Variants in TMEM132C observed in about 807,000 individuals in gnomAD.
TMEM132C encodes transmembrane protein 132C.
TMEM132C carries 29 observed loss-of-function variants against 61.4 expected under a neutral mutation model. The ratio of observed to expected loss-of-function variants is 0.47; its 90% confidence interval spans 0.35 to 0.64. The LOEUF is 0.64. Among genes scored for constraint, TMEM132C ranks in the 30% least tolerant of loss-of-function variants. TMEM132C has a pLI of 0.00. For missense variants in TMEM132C, 1,408 were observed against 1,476.9 expected (o/e 0.95, Z 0.76); for synonymous variants, 656 against 633.1 (o/e 1.04, Z -0.54).
rs764381800 is a variant in TMEM132C at position 128,415,440 on chromosome 12, A to G, written c.794A>G (p.His265Arg). The G allele has an allele frequency of 6.4e-7, 1 of 1,551,664 alleles. No individual in the cohort carries two copies. Among genetic ancestry groups the G allele is most frequent in the South Asian group, 1.2e-5 (1 of 84,046 alleles). ...GKDGLEETTS[H>R]LQRIGTVGLY... ...GATGGGCTGGAGGAAACCACGTCCC[A>G]CCTGCAGAGGATCGGCACCGTCGGC... Residue 265 changes from histidine to arginine, a missense_variant, in exon 2 of 9, where the codon CAC becomes CGC. His to Arg is a conservative substitution (Grantham distance 29, BLOSUM62 0). Transcript: ENST00000435159. The surrounding 1 kb of genome is among the most constrained non-coding windows in gnomAD (Gnocchi z 5.8).
chr12:128,541,764 T>G (rs1007195868), intron 2 of TMEM132C, among the ~76,000 whole-genome samples: 1 of 152,240 alleles, frequency 6.6e-6, no homozygotes, highest in African/African-American at 2.4e-5. Flanking sequence ...GGCATCTGGC[T>G]GGCTGTTTGG....
intron 3 of TMEM132C, among the ~76,000 whole-genome samples, chr12:128,555,575 T>A (rs184989046): frequency 2.7e-3 from 410 of 152,348 alleles, no homozygotes; most frequent in Non-Finnish European, 4.1e-3. Flanking sequence ...ACACAAGTTG[T>A]GTGGGTCTCC....
intron 1 of TMEM132C, among the ~76,000 whole-genome samples, chr12:128,301,987 C>T (rs1055098443): frequency 3.9e-5 from 6 of 152,132 alleles, no homozygotes; most frequent in East Asian, 1.9e-4. Flanking sequence ...CTTACTACCA[C>T]GAGAACTGTA....
chr12:128,623,932 G>A (rs894042680), intron 4 of TMEM132C, among the ~76,000 whole-genome samples: 3 of 152,156 alleles, frequency 2.0e-5, no homozygotes, highest in African/African-American at 7.2e-5. Flanking sequence ...AGAAAAATCA[G>A]CGGGAATGAC....
intron 8 of TMEM132C, 77 bp from the exon 9 acceptor site, chr12:128,705,013 G>T: frequency 7.0e-7 from 1 of 1,430,508 alleles, no homozygotes; most frequent in Non-Finnish European, 9.2e-7. Context: ...CTGTTTCATT[G>T]GGCGTCCTCC....
intron 1 of TMEM132C, among the ~76,000 whole-genome samples, chr12:128,318,568 T>G (rs1272230148): frequency 6.6e-6 from 1 of 152,218 alleles, no homozygotes; most frequent in Non-Finnish European, 1.5e-5. Flanking sequence ...CAGCTTTGTA[T>G]TGAATTAGGA....
At chr12:128,407,770 A>G (rs1460837927) in intron 1 of TMEM132C, among the ~76,000 whole-genome samples, 2 of 152,206 alleles carry the variant, frequency 1.3e-5, no homozygotes, top group African/African-American at 4.8e-5. Flanking sequence ...AGCAAATCAC[A>G]AGGCAGCCCA....
intron 4 of TMEM132C, among the ~76,000 whole-genome samples, chr12:128,658,733 C>G (rs1954356005): frequency 6.6e-6 from 1 of 152,210 alleles, no homozygotes; most frequent in South Asian, 2.1e-4. Context: ...AAGTTCTCCC[C>G]AATTCAAATC....
In TMEM132C at chr12:128,578,457, T is replaced by C. The variant is rs1397533077; in HGVS notation, c.1121+34354T>C. 1.3e-5 allele frequency among the ~76,000 whole-genome samples: 2 copies of C among 152,202 alleles called. 1 individual carries two copies. The highest frequency in any genetic ancestry group is 2.9e-5 in the Non-Finnish European group (2 of 68,040). On this transcript the variant is annotated intron_variant, in intron 3 of 8. Coordinates refer to ENST00000435159, the MANE Select transcript of TMEM132C (RefSeq NM_001136103.3). The stretch of plus-strand genomic sequence containing the variant: ...CACCAATAACACCCTTTTACTTGAG[T>C]ATCCATCTGAATTCGTTTGTACCTT...
chr12:128,519,013 G>T (rs910896123), intron 2 of TMEM132C, among the ~76,000 whole-genome samples: 3 of 152,100 alleles, frequency 2.0e-5, no homozygotes, highest in Admixed American at 6.5e-5. Flanking sequence ...GGAGAGAGTG[G>T]ACTCTAAGGA....
intron 3 of TMEM132C, among the ~76,000 whole-genome samples, chr12:128,569,013 T>G (rs1748683599): frequency 6.6e-6 from 1 of 152,160 alleles, no homozygotes. Context: ...TGGCTTTTAA[T>G]CTAGAGAGGA....
At chr12:128,575,316 T>A (rs1174811264) in intron 3 of TMEM132C, among the ~76,000 whole-genome samples, 1 of 152,114 alleles carries the variant, frequency 6.6e-6, no homozygotes, top group Admixed American at 6.5e-5. Context: ...CCATCTCTAC[T>A]GAAAATACAA....
At chr12:128,646,696 A>C (rs930283694) in intron 4 of TMEM132C, among the ~76,000 whole-genome samples, 1 of 150,364 alleles carries the variant, frequency 6.7e-6, no homozygotes, top group Non-Finnish European at 1.5e-5. Context: ...TCGGCGTTGG[A>C]TGTGAGTGTG....
At chr12:128,392,922 C>T (rs892195912) in intron 1 of TMEM132C, among the ~76,000 whole-genome samples, 9 of 152,184 alleles carry the variant, frequency 5.9e-5, no homozygotes, top group Non-Finnish European at 1.2e-4. Flanking sequence ...TTGATTGATA[C>T]GTTTCTCTAG....
intron 1 of TMEM132C, among the ~76,000 whole-genome samples, chr12:128,386,887 G>T (rs917947296): frequency 3.3e-5 from 5 of 152,188 alleles, no homozygotes; most frequent in African/African-American, 1.2e-4. Context: ...CCAGTACCTT[G>T]GGAGGCTGAG....
chr12:128,521,459 C>G (rs1350461648), intron 2 of TMEM132C, among the ~76,000 whole-genome samples: 1 of 150,002 alleles, frequency 6.7e-6, no homozygotes. Flanking sequence ...CCCCCAGCCC[C>G]CCACCCCCCA....
At chr12:128,601,024 C>G (rs1876166594) in intron 3 of TMEM132C, among the ~76,000 whole-genome samples, 1 of 152,188 alleles carries the variant, frequency 6.6e-6, no homozygotes, top group Non-Finnish European at 1.5e-5. Context: ...TAGCGCTCAG[C>G]AGGCATAAAA....
chr12:128,689,899 C>G (rs1954706097), intron 5 of TMEM132C, among the ~76,000 whole-genome samples: 2 of 152,216 alleles, frequency 1.3e-5, no homozygotes, highest in South Asian at 4.1e-4. Context: ...CAGGCCCTCC[C>G]TGAGGCTCGC....
intron 2 of TMEM132C, among the ~76,000 whole-genome samples, chr12:128,445,396 CTTG>C (rs1284296928): frequency 2.0e-5 from 3 of 152,162 alleles, no homozygotes; most frequent in Non-Finnish European, 4.4e-5. Flanking sequence ...TGCTGCTGCT[CTTG>C]TTGTCTTTTT....
Sources: allele counts gnomAD v4.1 joint callset (sites outside exome capture counted in the v4.1 genomes callset), GRCh38; gene constraint gnomAD v4.1.1; non-coding constraint Gnocchi (gnomAD v3.1); transcripts MANE v1.5; gene names NCBI Gene and HGNC (gene_info 2026-07-23, HGNC 2026-07-21).